The following ZNF407 variants were observed in gnomAD, a reference collection of about 807,000 sequenced individuals.
The protein encoded by ZNF407 is zinc finger protein 407.
A neutral mutation model predicts 131.2 loss-of-function variants in ZNF407; 17 were observed. The observed-to-expected ratio is 0.13, with a 90% CI of 0.09 to 0.19. ZNF407 has a LOEUF of 0.19. Among genes scored for constraint, ZNF407 ranks in the 10% least tolerant of loss-of-function variants. The pLI is 1.00. For missense variants in ZNF407, 2,681 were observed against 2,830.6 expected, an observed-to-expected ratio of 0.95 and a Z score of 1.20; for synonymous variants, 1,156 against 1,062.0, an observed-to-expected ratio of 1.09 and a Z score of -1.72.
chr18:74,634,047 G>T lies in ZNF407; in HGVS notation c.3028G>T (p.Asp1010Tyr). The T allele has an allele frequency of 6.2e-7, 1 of 1,614,050 alleles. No homozygotes were observed. Among genetic ancestry groups the T allele is most frequent in the East Asian group, 2.2e-5 (1 of 44,880 alleles). Residue 1010 changes from aspartate to tyrosine, a missense_variant, in exon 2 of 9, where the codon GAT (aspartate) becomes TAT (tyrosine). Transcript: ENST00000299687. ...GCCGGGGGATGTGTACTCCCAGAGA[G>T]ATGTTACAGGCACAGGTGAGAATAA... ...AQPGDVYSQR[D>Y]VTGTGENKCL...
intron 4 of ZNF407, among the ~76,000 whole-genome samples, chr18:74,784,329 A>C (rs774197374): frequency 4.6e-5 from 7 of 152,254 alleles, no homozygotes; most frequent in Non-Finnish European, 7.3e-5. Context: ...TGACAATTAA[A>C]TTAATAATGC....
chr18:74,794,222 A>G (rs1303782610), intron 4 of ZNF407, among the ~76,000 whole-genome samples: 1 of 152,128 alleles, frequency 6.6e-6, no homozygotes, highest in Non-Finnish European at 1.5e-5. Context: ...CAGCGTCTTC[A>G]CGTGTGTATT....
At chr18:74,856,737 A>G (rs779116119) in intron 4 of ZNF407, among the ~76,000 whole-genome samples, 1 of 152,240 alleles carries the variant, frequency 6.6e-6, no homozygotes, top group Non-Finnish European at 1.5e-5. Flanking sequence ...AAATGCAATC[A>G]TTGTCAAGTT....
At chr18:74,819,984 G>T (rs1221630279) in intron 4 of ZNF407, among the ~76,000 whole-genome samples, 3 of 152,204 alleles carry the variant, frequency 2.0e-5, no homozygotes, top group Non-Finnish European at 4.4e-5. Flanking sequence ...AAGGATGATT[G>T]TGTGAATGAG....
chr18:74,718,320 C>A (rs971384238), intron 3 of ZNF407, among the ~76,000 whole-genome samples: 1 of 151,558 alleles, frequency 6.6e-6, no homozygotes, highest in African/African-American at 2.4e-5. Flanking sequence ...CTTTTTGTGA[C>A]CAGCCTGAGC....
intron 3 of ZNF407, among the ~76,000 whole-genome samples, chr18:74,722,400 GC>G (rs1968060112): frequency 6.6e-6 from 1 of 152,004 alleles, no homozygotes. Flanking sequence ...GAATCTCCTT[GC>G]CACATTTCTT....
intron 7 of ZNF407, among the ~76,000 whole-genome samples, chr18:74,907,513 C>T (rs541789239): frequency 2.0e-5 from 3 of 152,276 alleles, no homozygotes; most frequent in Admixed American, 6.5e-5. Context: ...CATCAGTAAC[C>T]GTACATGGTC....
chr18:74,637,435 C>T (rs1448252810), intron 2 of ZNF407, among the ~76,000 whole-genome samples: 1 of 151,486 alleles, frequency 6.6e-6, no homozygotes, highest in African/African-American at 2.4e-5. Context: ...CAATATGTGA[C>T]AAAGTAACCC....
intron 4 of ZNF407, among the ~76,000 whole-genome samples, chr18:74,839,268 A>G (rs562587667): frequency 6.6e-6 from 1 of 152,346 alleles, no homozygotes; most frequent in Admixed American, 6.5e-5. Context: ...AGGAACATAG[A>G]GTATCTGTCA....
chr18:74,817,133 C>T (rs1255934614), intron 4 of ZNF407, among the ~76,000 whole-genome samples: 1 of 152,140 alleles, frequency 6.6e-6, no homozygotes, highest in African/African-American at 2.4e-5. Context: ...GGTAGTGAGG[C>T]TCACAGCTCA....
intron 4 of ZNF407, among the ~76,000 whole-genome samples, chr18:74,856,739 T>C (rs1970864310): frequency 6.6e-6 from 1 of 152,228 alleles, no homozygotes; most frequent in Non-Finnish European, 1.5e-5. Context: ...ATGCAATCAT[T>C]GTCAAGTTTG....
At chr18:74,861,224 A>G (rs1000531615) in intron 4 of ZNF407, among the ~76,000 whole-genome samples, 2 of 152,188 alleles carry the variant, frequency 1.3e-5, no homozygotes, top group Non-Finnish European at 2.9e-5. Context: ...GGAATGGCCT[A>G]TTTATGTAAT....
At chr18:74,989,380 A>G (rs1972691460) in intron 8 of ZNF407, among the ~76,000 whole-genome samples, 1 of 152,244 alleles carries the variant, frequency 6.6e-6, no homozygotes, top group Admixed American at 6.5e-5. Flanking sequence ...GTGTAACCAC[A>G]GGGCTGTATA....
At chr18:74,916,147 A>G (rs1479090448) in intron 7 of ZNF407, among the ~76,000 whole-genome samples, 13 of 21,970 alleles carry the variant, frequency 5.9e-4, no homozygotes, top group Admixed American at 1.3e-3. Flanking sequence ...GTGTGCATGC[A>G]TGTGTGTGCT....
In ZNF407 at chr18:74,920,506, C is replaced by T. The variant is rs1473270669; in HGVS notation, c.5250-8C>T. ...TAATTAGATTTACTTTTCTGTCTTACTTGGTAGGTCAAACTGTGCTGAAAA... is the reference window on the plus strand; with the variant it reads ...TAATTAGATTTACTTTTCTGTCTTATTTGGTAGGTCAAACTGTGCTGAAAA... On this transcript the variant is annotated splice_polypyrimidine_tract_variant and splice_region_variant and intron_variant, in intron 7 of 8. Coordinates refer to ENST00000299687, the MANE Select transcript of ZNF407 (RefSeq NM_017757.3). 2 of 1,564,928 alleles carry T rather than the reference C, an allele frequency of 1.3e-6. No individual in the cohort carries two copies. The highest frequency in any genetic ancestry group is 8.7e-7 in the Non-Finnish European group (1 of 1,145,808).
rs1343593591 is a variant in ZNF407 at position 74,634,531 on chromosome 18, C to T, written c.3512C>T (p.Ala1171Val). ...TCCTTTTGTGAGACTTTCCAACAGG[C>T]TCCTGTCAAGGATAAAGTTAGGAAA... ...DHSFCETFQQ[A>V]PVKDKVRKPE... The change falls in exon 2 of 9, where the codon GCT (alanine) becomes GTT (valine). Residue 1171 changes from alanine (A) to valine (V), a missense_variant. Around this residue, in one of 6 missense-constraint regions of ZNF407, gnomAD observed 1,789 missense variants for 1,748.7 expected, o/e 1.02. Transcript: ENST00000299687. 1 of 1,613,758 alleles carries T rather than the reference C, an allele frequency of 6.2e-7. No homozygotes were observed.
intron 1 of ZNF407, among the ~76,000 whole-genome samples, chr18:74,606,935 C>A (rs1470368729): frequency 3.9e-5 from 6 of 152,116 alleles, no homozygotes; most frequent in Admixed American, 3.9e-4. Flanking sequence ...TAGGGGTGGT[C>A]TTTTCACTTT....
chr18:74,803,866 G>T (rs897418564), intron 4 of ZNF407: 2 of 1,302,274 alleles, frequency 1.5e-6, no homozygotes, highest in Non-Finnish European at 2.1e-6. Flanking sequence ...TTTCAAAAAG[G>T]TCAGGAATGA....
At chr18:74,725,994 A>G (rs552633660) in intron 3 of ZNF407, among the ~76,000 whole-genome samples, 4 of 152,300 alleles carry the variant, frequency 2.6e-5, no homozygotes, top group African/African-American at 9.6e-5. Flanking sequence ...GGAGAATGGC[A>G]GGGAGATTTT....
Sources: gnomAD v4.1 joint callset for allele counts (sites outside exome capture counted in the v4.1 genomes callset) on GRCh38, gnomAD v4.1.1 for gene constraint, gnomAD v4.1.1 regional missense constraint, MANE v1.5 for transcripts, NCBI Gene and HGNC (gene_info 2026-07-23, HGNC 2026-07-21) for gene names.